Variants in ADCK1 observed in about 807,000 individuals in gnomAD.
ADCK1 encodes aarF domain containing kinase 1.
In ADCK1, 41 loss-of-function variants were observed where a neutral mutation model predicts 52.3. The ratio of observed to expected loss-of-function variants is 0.78; its 90% CI spans 0.61 to 1.02. The LOEUF is 1.02. Among genes scored for constraint, ADCK1 ranks in the 50% least tolerant of loss-of-function variants. The pLI is 0.00. For missense variants in ADCK1, 658 were observed against 679.5 expected (o/e 0.97, Z 0.35); for synonymous variants, 250 against 274.6 (o/e 0.91, Z 0.89).
intron 3 of ADCK1, among the ~76,000 whole-genome samples, chr14:77,839,078 G>A (rs981782838): frequency 1.3e-5 from 2 of 152,194 alleles, no homozygotes; most frequent in Non-Finnish European, 2.9e-5. Context: ...GTGGGTCTAA[G>A]TAAACAAGGT....
chr14:77,825,158 CCTTT>C (rs1295858591), intron 3 of ADCK1, among the ~76,000 whole-genome samples: 1 of 152,140 alleles, frequency 6.6e-6, no homozygotes, highest in Non-Finnish European at 1.5e-5. Context: ...TGGTTACATG[CCTTT>C]CTTTTTAGAC....
chr14:77,868,802 C>G (rs2082715862), intron 4 of ADCK1, among the ~76,000 whole-genome samples: 1 of 152,206 alleles, frequency 6.6e-6, no homozygotes, highest in East Asian at 1.9e-4. Context: ...ATTTGTAGAG[C>G]AACTGCTATT....
At chr14:77,849,196 T>A (rs917762819) in intron 3 of ADCK1, among the ~76,000 whole-genome samples, 1 of 152,200 alleles carries the variant, frequency 6.6e-6, no homozygotes, top group Admixed American at 6.5e-5. Context: ...CATCTCTGGC[T>A]CCTGAGTAAC....
At chr14:77,914,392 C>G in intron 7 of ADCK1, 1 of 985,200 alleles carries the variant, frequency 1.0e-6, no homozygotes, top group Non-Finnish European at 1.2e-6. Flanking sequence ...GAAGCCCTTG[C>G]TATGCTTCTT....
chr14:77,931,723 C>T lies in ADCK1; in HGVS notation c.1400+12C>T, dbSNP rs199968158. On this transcript the variant is annotated intron_variant, in intron 10 of 10. Transcript: ENST00000238561. ...AGAGCGCTAGCTGAGTGAGTGTGGG[C>T]TCCTCCCTCTCCTCCCCTCCTAGCC... 1 of 1,594,578 alleles carries T rather than the reference C, an allele frequency of 6.3e-7. No homozygotes were observed. Among genetic ancestry groups the T allele is most frequent in the East Asian group, 2.2e-5 (1 of 44,788 alleles).
intron 1 of ADCK1, among the ~76,000 whole-genome samples, chr14:77,816,776 A>G (rs1487437701): frequency 3.3e-5 from 5 of 150,806 alleles, no homozygotes; most frequent in African/African-American, 1.2e-4. Context: ...AGTTCCAGAG[A>G]CCTGGACTTG....
In ADCK1 at chr14:77,899,232, A is replaced by G. The variant is rs1237115524; in HGVS notation, c.715A>G (p.Met239Val). 3 of 1,614,144 alleles carry G rather than the reference A, an allele frequency of 1.9e-6. No homozygotes were observed. Among genetic ancestry groups the G allele is most frequent in the Non-Finnish European group, 2.5e-6 (3 of 1,179,982 alleles). ...GAGGAATGCTGAGAAGGTGTCCCAGATGCTCAGGCATTTTGACTTCTTGAA... is the reference window on the plus strand; with the variant it reads ...GAGGAATGCTGAGAAGGTGTCCCAGGTGCTCAGGCATTTTGACTTCTTGAA... Reference protein sequence around the residue: ...EGRNAEKVSQMLRHFDFLKVP... With the variant: ...EGRNAEKVSQVLRHFDFLKVP... The change falls in exon 6 of 11, where the codon ATG becomes GTG. Residue 239 changes from methionine (M) to valine (V), a missense_variant. Physicochemically the swap from Met to Val is conservative, Grantham distance 21 (BLOSUM62 1). Coordinates refer to ENST00000238561, the MANE Select transcript of ADCK1 (RefSeq NM_020421.4).
intron 4 of ADCK1, among the ~76,000 whole-genome samples, chr14:77,875,291 G>A (rs1261669952): frequency 1.3e-5 from 2 of 152,112 alleles, no homozygotes; most frequent in Non-Finnish European, 2.9e-5. Context: ...TGGCATGGAC[G>A]GTGGTGGGTG....
chr14:77,861,960 T>C (rs112448974), intron 4 of ADCK1, among the ~76,000 whole-genome samples: 53 of 152,316 alleles, frequency 3.5e-4, no homozygotes, highest in African/African-American at 1.2e-3. Flanking sequence ...GGCACTCTCC[T>C]TGCATAGCAT....
At chr14:77,932,548 C>T (rs11159309) in intron 10 of ADCK1, among the ~76,000 whole-genome samples, 24,652 of 152,170 alleles carry the variant, frequency 0.16, 2,219 homozygotes, top group African/African-American at 0.24. Flanking sequence ...CCAGCCCTTC[C>T]GTGCTGGGAA....
intron 7 of ADCK1, among the ~76,000 whole-genome samples, chr14:77,915,438 C>G (rs1566732190): frequency 6.7e-6 from 1 of 148,706 alleles, no homozygotes; most frequent in Non-Finnish European, 1.5e-5. Context: ...ATAAATTATG[C>G]TGCTATAAAG....
At chr14:77,821,025 A>ATT (rs1218189064) in intron 2 of ADCK1, 1 of 152,190 alleles carries the variant, frequency 6.6e-6, no homozygotes, top group East Asian at 1.9e-4. Context: ...CTGTATATAT[A>ATT]TATTTTTAGA....
chr14:77,811,490 C>T lies in ADCK1; in HGVS notation c.-11-7478C>T, dbSNP rs374690489. 8.2e-4 allele frequency among the ~76,000 whole-genome samples: 125 copies of T among 152,124 alleles called. 1 individual carries two copies. Among genetic ancestry groups the T allele is most frequent in the East Asian group, 1.2e-3 (6 of 5,170 alleles). On this transcript the variant is annotated intron_variant, in intron 1 of 10. Coordinates refer to ENST00000238561, the MANE Select transcript of ADCK1 (RefSeq NM_020421.4). ...ATTGGACTCCAGAGTTCATGATCTC[C>T]GTCAGTACACTCTCCTGTCCAGAAA...
At chr14:77,901,943 G>A (rs2083557016) in intron 6 of ADCK1, among the ~76,000 whole-genome samples, 1 of 152,138 alleles carries the variant, frequency 6.6e-6, no homozygotes, top group South Asian at 2.1e-4. Flanking sequence ...GAGAATGCAC[G>A]AGAGGGGTCA....
At chr14:77,807,044 T>C (rs1594844255) in intron 1 of ADCK1, among the ~76,000 whole-genome samples, 2 of 145,006 alleles carry the variant, frequency 1.4e-5, no homozygotes, top group Admixed American at 7.1e-5. Context: ...CTCTCTTTTT[T>C]TTTTTTTTTT....
chr14:77,896,739 C>CTTGCTTGA (rs2083418524), intron 5 of ADCK1, among the ~76,000 whole-genome samples: 2 of 152,352 alleles, frequency 1.3e-5, no homozygotes, highest in South Asian at 4.1e-4. Context: ...CCCTTCTAGT[C>CTTGCTTGA]TTGCTTGATA....
intron 3 of ADCK1, among the ~76,000 whole-genome samples, chr14:77,842,146 CATTATT>C (rs1240327834): frequency 6.6e-6 from 1 of 152,054 alleles, no homozygotes; most frequent in Non-Finnish European, 1.5e-5. Context: ...ATAATTCTTT[CATTATT>C]ATTATTATTT....
At chr14:77,899,710 G>A (rs1458802999) in intron 6 of ADCK1, among the ~76,000 whole-genome samples, 1 of 152,158 alleles carries the variant, frequency 6.6e-6, no homozygotes, top group East Asian at 1.9e-4. Context: ...TGCAGTTATG[G>A]AAAATCACAT....
chr14:77,846,604 T>C (rs1413673556), intron 3 of ADCK1, among the ~76,000 whole-genome samples: 1 of 152,212 alleles, frequency 6.6e-6, no homozygotes, highest in Non-Finnish European at 1.5e-5. Flanking sequence ...GAAAAACCCC[T>C]GTTCTGGATC....
Sources: allele counts gnomAD v4.1 joint callset (sites outside exome capture counted in the v4.1 genomes callset), GRCh38; gene constraint gnomAD v4.1.1; transcripts MANE v1.5; gene names NCBI Gene and HGNC (gene_info 2026-07-23, HGNC 2026-07-21).